The following PCLO variants were observed in gnomAD, a reference collection of about 807,000 sequenced individuals.
The protein encoded by PCLO is piccolo presynaptic cytomatrix protein.
Under a neutral mutation model 427.5 loss-of-function variants are expected in PCLO, and 82 were observed. The observed-to-expected ratio is 0.19, with a 90% CI of 0.16 to 0.23. The LOEUF (loss-of-function observed/expected upper bound fraction) is 0.23, where lower values mean the gene tolerates loss of function less well. Among genes scored for constraint, PCLO ranks in the 10% least tolerant of loss-of-function variants. The pLI is 1.00. For synonymous variants in PCLO, 2,357 were observed against 2,155.4 expected, an observed-to-expected ratio of 1.09 and a Z score of -2.59; for missense variants, 6,239 against 6,115.9, an observed-to-expected ratio of 1.02 and a Z score of -0.67.
intron 2 of PCLO, among the ~76,000 whole-genome samples, chr7:83,145,337 T>A (rs1791966624): frequency 6.6e-6 from 1 of 152,196 alleles, no homozygotes; most frequent in South Asian, 2.1e-4. Flanking sequence ...TGATTTTTTT[T>A]AAACTAAGTA....
intron 3 of PCLO, among the ~76,000 whole-genome samples, chr7:83,038,143 A>G (rs1355997734): frequency 7.8e-6 from 1 of 128,236 alleles, no homozygotes; most frequent in Non-Finnish European, 1.6e-5. Flanking sequence ...ACACACACTC[A>G]TATATACACA....
intron 7 of PCLO, among the ~76,000 whole-genome samples, chr7:82,914,105 A>G (rs1162359858): frequency 6.6e-6 from 1 of 152,024 alleles, no homozygotes; most frequent in African/African-American, 2.4e-5. Flanking sequence ...GATAAAACAG[A>G]AATCTTTTAT....
chr7:83,023,689 T>A lies in PCLO; in HGVS notation c.3301-57202A>T, dbSNP rs114389720. 9.2e-3 allele frequency among the ~76,000 whole-genome samples: 1,408 copies of A among 152,326 alleles called. 32 individuals are homozygous for A. Among genetic ancestry groups the A allele is most frequent in the African/African-American group, 0.031 (1,274 of 41,578 alleles). ...CCCCAAAAACTGAACATGTCTTGTATGGGTGCCATGAGTACGGAAAGCTTA... is the reference window on the plus strand; with the variant it reads ...CCCCAAAAACTGAACATGTCTTGTAAGGGTGCCATGAGTACGGAAAGCTTA... On this transcript the variant is annotated intron_variant, in intron 3 of 24. Coordinates refer to ENST00000333891, the MANE Select transcript of PCLO (RefSeq NM_033026.6).
rs776785983 is a variant in PCLO, at chr7:82,832,131, T to A, written c.14249+3536A>T. On this transcript the variant is annotated intron_variant, in intron 16 of 24. Coordinates refer to ENST00000333891, the MANE Select transcript of PCLO (RefSeq NM_033026.6). ...CATTAGGACAATTAGGACAATTATA[T>A]CTAATAATTAAAGAAGTTTATTAAT... Among the ~76,000 whole-genome samples the A allele has an allele frequency of 8.5e-5, 13 of 152,136 alleles. 1 individual carries two copies. Among genetic ancestry groups the A allele is most frequent in the South Asian group, 4.1e-4 (2 of 4,830 alleles).
chr7:82,813,524 C>A (rs963273966), intron 20 of PCLO, among the ~76,000 whole-genome samples: 1 of 151,380 alleles, frequency 6.6e-6, no homozygotes, highest in African/African-American at 2.4e-5. Context: ...TTTCTTTTTC[C>A]TCTCAGTTGA....
chr7:82,991,185 C>A (rs1796368239), intron 3 of PCLO, among the ~76,000 whole-genome samples: 1 of 152,070 alleles, frequency 6.6e-6, no homozygotes, highest in Non-Finnish European at 1.5e-5. Context: ...ATCTCTGCAT[C>A]TTTATGTGTC....
At chr7:82,998,391 A>AAACAACAACAACAACAACAAC (rs79603092) in intron 3 of PCLO, among the ~76,000 whole-genome samples, 1 of 149,174 alleles carries the variant, frequency 6.7e-6, no homozygotes, top group Non-Finnish European at 1.5e-5. Context: ...TGTCCTTTAA[A>AAACAACAACAACAACAACAAC]AACAACAACA....
Position 82,814,098 on chromosome 7 carries a change from G to C in PCLO, c.14792-8269C>G, listed in dbSNP as rs967105769. Among the ~76,000 whole-genome samples, 10 of 151,772 alleles carry C rather than the reference G, an allele frequency of 6.6e-5. No homozygotes were observed. In the East Asian group the frequency reaches 1.4e-3, roughly 21 times the overall value. On this transcript the variant is annotated intron_variant, in intron 20 of 24. Coordinates refer to ENST00000333891, the MANE Select transcript of PCLO (RefSeq NM_033026.6). ...ATAACACTTCTGTCACTCTACTTCAGCTTGGAAGCAGCTTGATTAAAGCTG... is the reference window on the plus strand; with the variant it reads ...ATAACACTTCTGTCACTCTACTTCACCTTGGAAGCAGCTTGATTAAAGCTG...
chr7:82,824,112 T>G, intron 19 of PCLO, 124 bp downstream of exon 19: 1 of 625,526 alleles, frequency 1.6e-6, no homozygotes, highest in Non-Finnish European at 2.7e-6. Flanking sequence ...TGACATTATA[T>G]TAAGTATTTT....
In PCLO at chr7:83,135,005, C is replaced by A; in HGVS notation, c.2545G>T (p.Val849Leu). 6.2e-7 allele frequency: 1 copy of A among 1,613,596 alleles called. No homozygotes were observed. Among genetic ancestry groups the A allele is most frequent in the Non-Finnish European group, 8.5e-7 (1 of 1,179,790 alleles). ...ESKGQKQVDP[V>L]QKKEEPKKAQ... ...TTCTTGGGTTCTTCCTTCTTTTGTA[C>A]GGGGTCAACTTGTTTTTGACCTTTG... The change falls in exon 3 of 25, where the codon GTA becomes TTA. Residue 849 changes from valine (V) to leucine (L), a missense_variant. Physicochemically the swap from Val to Leu is conservative, Grantham distance 32. This residue lies in a region of PCLO where 4,677 missense variants were observed against 4,468.4 expected (regional missense o/e 1.05). Transcript: ENST00000333891.
intron 10 of PCLO, among the ~76,000 whole-genome samples, chr7:82,874,389 A>G (rs986569484): frequency 1.3e-5 from 2 of 152,118 alleles, no homozygotes; most frequent in Non-Finnish European, 2.9e-5. Flanking sequence ...TCCCAACGCA[A>G]TGAGATTACA....
intron 3 of PCLO, among the ~76,000 whole-genome samples, chr7:83,081,419 C>A (rs995423567): frequency 6.6e-6 from 1 of 151,964 alleles, no homozygotes; most frequent in East Asian, 1.9e-4. Context: ...ACTCCAAATA[C>A]CTTCAGCATC....
At chr7:82,957,683 T>C (rs999635457) in intron 4 of PCLO, among the ~76,000 whole-genome samples, 16 of 152,242 alleles carry the variant, frequency 1.1e-4, no homozygotes, top group African/African-American at 3.9e-4. Context: ...ATCCAGCTGT[T>C]ATTTCTATAG....
intron 10 of PCLO, among the ~76,000 whole-genome samples, chr7:82,863,703 T>C (rs747754014): frequency 6.6e-6 from 1 of 152,016 alleles, no homozygotes; most frequent in Non-Finnish European, 1.5e-5. Flanking sequence ...TCCCTCCAGC[T>C]TTCTAATATT....
At chr7:83,038,698 A>G (rs1788894523) in intron 3 of PCLO, among the ~76,000 whole-genome samples, 1 of 151,972 alleles carries the variant, frequency 6.6e-6, no homozygotes, top group African/African-American at 2.4e-5. Context: ...ATTCATTTGC[A>G]AGATTTGTGT....
At chr7:82,827,730 T>C (rs1248806745) in intron 17 of PCLO, 143 bp downstream of exon 17, 5 of 498,694 alleles carry the variant, frequency 1.0e-5, no homozygotes, top group Non-Finnish European at 1.1e-5. Context: ...TTTTTTTCCA[T>C]TGGCTACATT....
At chr7:83,160,961 A>G (rs1792421653) in intron 1 of PCLO, among the ~76,000 whole-genome samples, 1 of 152,200 alleles carries the variant, frequency 6.6e-6, no homozygotes, top group African/African-American at 2.4e-5. Context: ...GTAGAGGAAA[A>G]CAGTACATAT....
In PCLO at chr7:83,096,921, A is replaced by G. The variant is rs1323939124; in HGVS notation, c.3300+37329T>C. On this transcript the variant is annotated intron_variant, in intron 3 of 24. Coordinates refer to ENST00000333891, the MANE Select transcript of PCLO (RefSeq NM_033026.6). The stretch of plus-strand genomic sequence containing the variant: ...TTAATATTATATTATCTAAATATAT[A>G]TAATATAATATAATATATTATATAT... Among the ~76,000 whole-genome samples, 13 of 59,710 alleles carry G rather than the reference A, an allele frequency of 2.2e-4. 2 individuals are homozygous for G. The highest frequency in any genetic ancestry group is 3.0e-4 in the Non-Finnish European group (11 of 36,178). 39.2% of individuals were successfully genotyped at this position (59,710 alleles called of 152,430 possible). A position where few individuals can be genotyped will look rare whatever the true frequency, so the allele number is the denominator to read the frequency against.
intron 6 of PCLO, among the ~76,000 whole-genome samples, chr7:82,922,898 G>A (rs760591757): frequency 2.6e-5 from 4 of 151,992 alleles, no homozygotes; most frequent in Non-Finnish European, 4.4e-5. Context: ...CATACCTACT[G>A]TCAGAAATAA....
Sources: gnomAD v4.1 joint callset for allele counts (sites outside exome capture counted in the v4.1 genomes callset) on GRCh38, gnomAD v4.1.1 for gene constraint, gnomAD v4.1.1 regional missense constraint, MANE v1.5 for transcripts, NCBI Gene and HGNC (gene_info 2026-07-23, HGNC 2026-07-21) for gene names.